Variants in RXFP2 observed in about 807,000 individuals in gnomAD.
RXFP2 encodes the protein relaxin receptor 2.
RXFP2 carries 68 observed loss-of-function variants against 88.6 expected under a neutral mutation model. That is an observed-to-expected ratio of 0.77 (90% CI 0.63 to 0.94). The LOEUF (loss-of-function observed/expected upper bound fraction) is 0.94. Among genes scored for constraint, RXFP2 ranks in the 40% least tolerant of loss-of-function variants. The probability of loss-of-function intolerance (pLI) is 0.00; values close to 1 mark genes in which losing one functional copy is unlikely to be tolerated. For missense variants in RXFP2, 791 were observed against 893.9 expected (o/e 0.88, Z 1.47); for synonymous variants, 329 against 306.8 (o/e 1.07, Z -0.76).
At chr13:31,793,793 T>A (rs1223971049) in intron 16 of RXFP2, among the ~76,000 whole-genome samples, 2 of 152,226 alleles carry the variant, frequency 1.3e-5, no homozygotes, top group African/African-American at 4.8e-5. Context: ...CTTCTAATCT[T>A]TTCTTCCCAT....
At chr13:31,793,950 C>T (rs1247079513) in intron 16 of RXFP2, among the ~76,000 whole-genome samples, 3 of 152,140 alleles carry the variant, frequency 2.0e-5, no homozygotes, top group South Asian at 4.1e-4. Flanking sequence ...CCTTACTGGT[C>T]TCGTAACCTC....
At position 31,786,587 on chromosome 13, in the gene RXFP2, T is replaced by C. The variant is rs374810169; in HGVS notation, c.1023T>C (p.Leu341=). Reference sequence around the variant, plus strand: ...AAAGGAACCTGTCATCCAATCCTCTTATGTATCTTCACAAGAACCAGTTTG... The same window carrying C: ...AAAGGAACCTGTCATCCAATCCTCTCATGTATCTTCACAAGAACCAGTTTG... ...LQKLNLSSNP[L]MYLHKNQFES... Residue 341 remains leucine (L), a synonymous_variant, in exon 13 of 18, where the codon CTT becomes CTC. Coordinates refer to ENST00000298386, the MANE Select transcript of RXFP2 (RefSeq NM_130806.5). 15 of 1,605,246 alleles carry C rather than the reference T, an allele frequency of 9.3e-6. No individual in the cohort carries two copies. The highest frequency in any genetic ancestry group is 1.0e-5 in the Non-Finnish European group (12 of 1,172,494).
rs1421732056 is a variant in RXFP2 at position 31,803,364 on chromosome 13, T to G, written c.*959T>G. The G allele has an allele frequency of 6.6e-6, 1 of 152,182 alleles. No homozygotes were observed. The highest frequency in any genetic ancestry group is 6.5e-5 in the Admixed American group (1 of 15,282). The allele number at this position is 152,182 out of a possible 1,614,324, so 9.4% of individuals were successfully genotyped here. A position where few individuals can be genotyped will look rare whatever the true frequency, so the allele number is the denominator to read the frequency against. On this transcript the variant is annotated 3_prime_UTR_variant, in exon 18 of 18. Coordinates refer to ENST00000298386, the MANE Select transcript of RXFP2 (RefSeq NM_130806.5). ...AAAAATTATATGTGAAAATGAGAAC[T>G]GGGTAAATAAAATTATATTTTGCAC...
At chr13:31,752,289 C>T (rs943703098) in intron 1 of RXFP2, among the ~76,000 whole-genome samples, 1 of 152,074 alleles carries the variant, frequency 6.6e-6, no homozygotes. Flanking sequence ...CCCCTCCCCC[C>T]CAAAAAATCT....
At chr13:31,789,284 T>C in intron 14 of RXFP2, 91 bp downstream of exon 14, 1 of 855,272 alleles carries the variant, frequency 1.2e-6, no homozygotes, top group Non-Finnish European at 2.0e-6. Flanking sequence ...GCAATGTGTT[T>C]CTATGCAACA....
At chr13:31,796,912 G>C (rs938583354) in intron 16 of RXFP2, among the ~76,000 whole-genome samples, 1 of 152,136 alleles carries the variant, frequency 6.6e-6, no homozygotes, top group Admixed American at 6.5e-5. Flanking sequence ...CTGTCTGATG[G>C]TTCAATGTAT....
chr13:31,745,985 CCATGTT>C (rs1277841704), intron 1 of RXFP2, among the ~76,000 whole-genome samples: 9 of 152,174 alleles, frequency 5.9e-5, no homozygotes, highest in African/African-American at 2.2e-4. Flanking sequence ...GTCAGCAAAC[CCATGTT>C]CAAGTCATAG....
At chr13:31,742,601 C>G in intron 1 of RXFP2, among the ~76,000 whole-genome samples, 1 of 152,164 alleles carries the variant, frequency 6.6e-6, no homozygotes, top group South Asian at 2.1e-4. Flanking sequence ...ACAACAGATG[C>G]TTACTCGTGT....
At position 31,755,538 on chromosome 13, in the gene RXFP2, C is replaced by T. The variant is rs114769642; in HGVS notation, c.95-2720C>T. Among the ~76,000 whole-genome samples the T allele has an allele frequency of 3.8e-3, 584 of 152,146 alleles. 10 individuals are homozygous for T. Among genetic ancestry groups the T allele is most frequent in the African/African-American group, 0.013 (553 of 41,492 alleles). Reference sequence around the variant, plus strand: ...TATATTTCTAACTGCAAATTACTGCCTTAAAAAATTTCTAAGCCACCACAC... The same window carrying T: ...TATATTTCTAACTGCAAATTACTGCTTTAAAAAATTTCTAAGCCACCACAC... On this transcript the variant is annotated intron_variant, in intron 1 of 17. Coordinates refer to ENST00000298386, the MANE Select transcript of RXFP2 (RefSeq NM_130806.5).
chr13:31,765,441 T>G (rs957094897), intron 4 of RXFP2, among the ~76,000 whole-genome samples: 6 of 149,036 alleles, frequency 4.0e-5, no homozygotes, highest in African/African-American at 7.5e-5. Context: ...GCTTTTTTTT[T>G]TTGTTTTAAA....
At chr13:31,794,122 C>CCTAA (rs1873916899) in intron 16 of RXFP2, among the ~76,000 whole-genome samples, 2 of 152,052 alleles carry the variant, frequency 1.3e-5, no homozygotes, top group Non-Finnish European at 2.9e-5. Context: ...ATGACATGAC[C>CCTAA]CTAACCATCA....
At chr13:31,793,161 ATTTG>A (rs1427148276) in intron 16 of RXFP2, 73 bp downstream of exon 16, 7 of 1,352,626 alleles carry the variant, frequency 5.2e-6, no homozygotes, top group African/African-American at 1.4e-5. Flanking sequence ...GCAAAGGTGG[ATTTG>A]TTTGTTTCAG....
intron 2 of RXFP2, 151 bp from the exon 3 acceptor site, chr13:31,761,573 C>T: frequency 1.7e-6 from 1 of 593,532 alleles, no homozygotes; most frequent in Non-Finnish European, 3.1e-6. Flanking sequence ...AGATGTTTGC[C>T]TAACTTTTTC....
intron 5 of RXFP2, 91 bp from the exon 6 acceptor site, chr13:31,774,529 T>C: frequency 1.3e-6 from 1 of 780,950 alleles, no homozygotes; most frequent in South Asian, 1.4e-5. Context: ...TTCACAATTG[T>C]CTTCAGGTAA....
intron 1 of RXFP2, among the ~76,000 whole-genome samples, chr13:31,757,706 T>C (rs189746816): frequency 1.7e-4 from 26 of 152,370 alleles, no homozygotes; most frequent in Non-Finnish European, 3.1e-4. Context: ...ATACATCTGG[T>C]TTTGTTTATG....
chr13:31,781,182 G>T (rs1373698257), intron 9 of RXFP2, among the ~76,000 whole-genome samples: 1 of 152,164 alleles, frequency 6.6e-6, no homozygotes, highest in African/African-American at 2.4e-5. Flanking sequence ...CCACAGACAT[G>T]GTAGTTAAGT....
In RXFP2 at chr13:31,781,736, C is replaced by T. The variant is rs1873291392; in HGVS notation, c.851C>T (p.Thr284Ile). The change falls in exon 10 of 18, where the codon ACA (threonine) becomes ATA (isoleucine). Residue 284 changes from threonine to isoleucine, a missense_variant. Physicochemically the swap from Thr to Ile is moderately conservative, Grantham distance 89. Transcript: ENST00000298386. ...ACGTTTCTGTCGTGCGATTCGCTCA[C>T]AGTGCTGTAAGTATACAATGGACTT... ...NSTFLSCDSL[T>I]VLFLPRNQIG... is the part of the protein sequence containing the mutation. 6.2e-7 allele frequency: 1 copy of T among 1,607,952 alleles called. No individual in the cohort carries two copies. Among genetic ancestry groups the T allele is most frequent in the Non-Finnish European group, 8.5e-7 (1 of 1,175,036 alleles).
At chr13:31,768,745 T>C (rs926789550) in intron 5 of RXFP2, among the ~76,000 whole-genome samples, 2 of 152,162 alleles carry the variant, frequency 1.3e-5, no homozygotes, top group African/African-American at 4.8e-5. Flanking sequence ...TTAAATCTCC[T>C]TTCCTCACCA....
chr13:31,778,963 C>T (rs4943729), intron 9 of RXFP2, among the ~76,000 whole-genome samples: 1 of 151,780 alleles, frequency 6.6e-6, no homozygotes, highest in South Asian at 2.1e-4. Flanking sequence ...CAACTTAAAC[C>T]TCACCTCCAG....
Sources: gnomAD v4.1 joint callset for allele counts (sites outside exome capture counted in the v4.1 genomes callset) on GRCh38, gnomAD v4.1.1 for gene constraint, MANE v1.5 for transcripts, NCBI Gene and HGNC (gene_info 2026-07-23, HGNC 2026-07-21) for gene names.